Variants in ACTN1 observed in about 807,000 individuals in gnomAD.
ACTN1 encodes the protein alpha-actinin-1.
A neutral mutation model predicts 119.6 loss-of-function variants in ACTN1; 30 were observed. The observed-to-expected ratio is 0.25, with a 90% CI of 0.19 to 0.34. The LOEUF (loss-of-function observed/expected upper bound fraction) is 0.34, where lower values mean the gene tolerates loss of function less well. Among genes scored for constraint, ACTN1 ranks in the 10% least tolerant of loss-of-function variants. ACTN1 has a pLI of 1.00. For missense variants in ACTN1, 764 were observed against 1,223.4 expected (o/e 0.62, Z 5.60); for synonymous variants, 429 against 472.6 (o/e 0.91, Z 1.20).
chr14:68,880,084 G>A lies in ACTN1; in HGVS notation c.2158C>T (p.Leu720=). The A allele has an allele frequency of 6.2e-7, 1 of 1,614,128 alleles. No individual in the cohort carries two copies. Residue 720 remains leucine (L), a synonymous_variant, in exon 18 of 22, where the codon CTG becomes TTG. Coordinates refer to ENST00000394419, the MANE Select transcript of ACTN1 (RefSeq NM_001130004.2). This position sits in a 1 kb window ranked among gnomAD's most constrained non-coding sequence, Gnocchi z 4.6. ...ATGGTCCTGGCGATGGTGGTGAGCA[G>A]CTGCTCCCAGCCCACACGGATGTGC... The part of the protein sequence containing the change: ...MEHIRVGWEQ[L]LTTIARTINE...
intron 1 of ACTN1, among the ~76,000 whole-genome samples, chr14:68,941,525 G>T (rs1444221261): frequency 3.3e-5 from 5 of 152,196 alleles, no homozygotes; most frequent in Non-Finnish European, 7.3e-5. Flanking sequence ...TGGAACCTAA[G>T]CAAGTTCTTG....
intron 16 of ACTN1, 72 bp from the exon 17 acceptor site, chr14:68,881,061 C>T: frequency 6.9e-7 from 1 of 1,458,644 alleles, no homozygotes; most frequent in Non-Finnish European, 9.4e-7. Flanking sequence ...CTGGGGCCTC[C>T]AAAATCACTT....
intron 1 of ACTN1, chr14:68,977,879 G>A (rs2037118495): frequency 4.4e-6 from 2 of 452,282 alleles, no homozygotes; most frequent in Admixed American, 2.4e-5. Context: ...CCGGATGGAA[G>A]TGGGCAGCCG....
intron 1 of ACTN1, among the ~76,000 whole-genome samples, chr14:68,929,769 C>T (rs1447000154): frequency 6.6e-6 from 1 of 152,142 alleles, no homozygotes; most frequent in East Asian, 1.9e-4. Context: ...GGACCCGGGA[C>T]AGAGGGAGGG....
chr14:68,912,537 C>T (rs1045798679), intron 3 of ACTN1, among the ~76,000 whole-genome samples: 2 of 152,060 alleles, frequency 1.3e-5, no homozygotes, highest in African/African-American at 4.8e-5. Flanking sequence ...CCACCACACC[C>T]GGCTAATTTT....
At position 68,888,048 on chromosome 14, in the gene ACTN1, C is replaced by T. The variant is rs920961355; in HGVS notation, c.1234+2091G>A. On this transcript the variant is annotated intron_variant, in intron 11 of 21. Transcript: ENST00000394419. ...GATCTCCTCTTGGGCTTTTCCTTGG[C>T]GGCTCCTTCAGCAGAGCTGACCTTC... 1.7e-4 allele frequency: 120 copies of T among 725,754 alleles called. 1 individual carries two copies. Among genetic ancestry groups the T allele is most frequent in the African/African-American group, 7.2e-4 (41 of 56,788 alleles). The allele number at this position is 725,754 out of a possible 1,614,324, so 45.0% of individuals were successfully genotyped here. A position where few individuals can be genotyped will look rare whatever the true frequency, so the allele number is the denominator to read the frequency against.
chr14:68,942,413 T>G (rs2035792334), intron 1 of ACTN1, among the ~76,000 whole-genome samples: 1 of 152,040 alleles, frequency 6.6e-6, no homozygotes, highest in African/African-American at 2.4e-5. Flanking sequence ...GACTGAGGCA[T>G]TAACGGGCTG....
chr14:68,959,773 C>T (rs1594873705), intron 1 of ACTN1, among the ~76,000 whole-genome samples: 1 of 152,250 alleles, frequency 6.6e-6, no homozygotes, highest in East Asian at 1.9e-4. Flanking sequence ...AGGATAGTTA[C>T]TATTTCTAAT....
chr14:68,936,585 G>A (rs970145016), intron 1 of ACTN1: 5 of 537,118 alleles, frequency 9.3e-6, no homozygotes, highest in African/African-American at 5.9e-5. Context: ...TGAAGCTGCC[G>A]ATTAGGCCTA....
intron 1 of ACTN1, among the ~76,000 whole-genome samples, chr14:68,975,536 T>A (rs1457259509): frequency 6.6e-6 from 1 of 152,122 alleles, no homozygotes; most frequent in Admixed American, 6.5e-5. Context: ...TGATGCTCTC[T>A]CCAGCTTGAC....
Position 68,909,807 on chromosome 14 carries a change from G to T in ACTN1, c.515+148C>A. On this transcript the variant is annotated intron_variant, in intron 5 of 21. Coordinates refer to ENST00000394419, the MANE Select transcript of ACTN1 (RefSeq NM_001130004.2). The surrounding 1 kb of genome is among the most constrained non-coding windows in gnomAD (Gnocchi z 4.1). ...AGAGACGGGGGGATTCAGAGCGATG[G>T]CGACATCCCCTTCCCAAGGAAAGCT... 1.5e-6 allele frequency: 1 copy of T among 659,808 alleles called. No individual in the cohort carries two copies. Among genetic ancestry groups the T allele is most frequent in the Non-Finnish European group, 2.7e-6 (1 of 376,896 alleles). 40.9% of individuals were successfully genotyped at this position (659,808 alleles called of 1,614,324 possible).
At chr14:68,930,438 C>T (rs1254518547) in intron 1 of ACTN1, among the ~76,000 whole-genome samples, 1 of 152,180 alleles carries the variant, frequency 6.6e-6, no homozygotes, top group Non-Finnish European at 1.5e-5. Flanking sequence ...TCACACTCTG[C>T]AAGGAGCTGG....
intron 10 of ACTN1, among the ~76,000 whole-genome samples, chr14:68,891,163 C>G (rs1380769385): frequency 6.7e-6 from 1 of 150,244 alleles, no homozygotes; most frequent in Non-Finnish European, 1.5e-5. Flanking sequence ...CCCTCCCCTT[C>G]TAGACCTGTC....
intron 1 of ACTN1, among the ~76,000 whole-genome samples, chr14:68,929,734 T>A (rs912041143): frequency 2.6e-5 from 4 of 152,154 alleles, no homozygotes; most frequent in East Asian, 1.9e-4. Context: ...GCACTCCACC[T>A]GCCCCGGCCC....
chr14:68,923,038 C>T (rs1295642480), intron 2 of ACTN1, among the ~76,000 whole-genome samples: 1 of 152,210 alleles, frequency 6.6e-6, no homozygotes, highest in Non-Finnish European at 1.5e-5. Flanking sequence ...GGCAAAGAGA[C>T]ACATGCTTCA....
chr14:68,906,982 C>G (rs1377191435), intron 6 of ACTN1, among the ~76,000 whole-genome samples: 1 of 147,986 alleles, frequency 6.8e-6, no homozygotes, highest in African/African-American at 2.5e-5. Flanking sequence ...AATTAAAAAA[C>G]AGAAGGGGGG....
At chr14:68,875,375 T>C (rs2030781718) in intron 21 of ACTN1, among the ~76,000 whole-genome samples, 1 of 152,248 alleles carries the variant, frequency 6.6e-6, no homozygotes, top group Non-Finnish European at 1.5e-5. Flanking sequence ...TATAGGTTCC[T>C]GGGGAGACCC....
At chr14:68,903,699 C>G (rs1039137968) in intron 7 of ACTN1, among the ~76,000 whole-genome samples, 3 of 152,128 alleles carry the variant, frequency 2.0e-5, no homozygotes, top group Non-Finnish European at 2.9e-5. Context: ...CAGGCTCCTC[C>G]CAAGGGGCAA....
At chr14:68,906,321 C>T (rs1314509611) in intron 6 of ACTN1, among the ~76,000 whole-genome samples, 1 of 152,186 alleles carries the variant, frequency 6.6e-6, no homozygotes, top group Non-Finnish European at 1.5e-5. Context: ...TGGCTGGGCC[C>T]TTCTCCTCTA....
Sources: gnomAD v4.1 joint callset for allele counts (sites outside exome capture counted in the v4.1 genomes callset) on GRCh38, gnomAD v4.1.1 for gene constraint, Gnocchi (gnomAD v3.1) non-coding constraint, MANE v1.5 for transcripts, NCBI Gene and HGNC (gene_info 2026-07-23, HGNC 2026-07-21) for gene names.